The following KSR1 variants were observed in gnomAD, a reference collection of about 807,000 sequenced individuals.
The protein encoded by KSR1 is kinase suppressor of ras.
In KSR1, 35 loss-of-function variants were observed where a neutral mutation model predicts 92.9. The observed-to-expected ratio is 0.38, with a 90% CI of 0.29 to 0.50. KSR1 has a LOEUF of 0.50. KSR1 is among the 20% of genes least tolerant of loss of function. The pLI, the probability that KSR1 is intolerant of heterozygous loss-of-function variation, is 0.94. For missense variants in KSR1, 972 were observed against 1,158.5 expected, an observed-to-expected ratio of 0.84 and a Z score of 2.34; for synonymous variants, 467 against 472.6, an observed-to-expected ratio of 0.99 and a Z score of 0.15.
chr17:27,611,753 G>A, intron 18 of KSR1, 124 bp downstream of exon 18: 1 of 1,109,404 alleles, frequency 9.0e-7, no homozygotes, highest in Non-Finnish European at 1.3e-6. Context: ...ACCTGCACGT[G>A]TCTAGCTAGA....
chr17:27,557,102 G>C (rs982435325), intron 2 of KSR1, among the ~76,000 whole-genome samples: 40 of 152,288 alleles, frequency 2.6e-4, no homozygotes, highest in African/African-American at 9.6e-4. Context: ...AACCCAACAA[G>C]ATCTCCAGAA....
intron 19 of KSR1, among the ~76,000 whole-genome samples, chr17:27,619,054 G>A (rs1022811428): frequency 3.3e-5 from 5 of 152,070 alleles, no homozygotes; most frequent in Admixed American, 1.3e-4. Flanking sequence ...ACAGAGTCCC[G>A]CTCTATAAAA....
At chr17:27,565,199 T>C (rs1343698886) in intron 2 of KSR1, among the ~76,000 whole-genome samples, 1 of 152,216 alleles carries the variant, frequency 6.6e-6, no homozygotes, top group Non-Finnish European at 1.5e-5. Flanking sequence ...TGTAAACCAT[T>C]TGATGCATTT....
intron 6 of KSR1, 137 bp downstream of exon 6, chr17:27,588,672 C>T (rs1598093796): frequency 1.5e-6 from 1 of 687,266 alleles, no homozygotes; most frequent in Non-Finnish European, 2.2e-6. Flanking sequence ...GGGACATGGC[C>T]CTGCACTTAC....
At chr17:27,475,777 G>A (rs930028556) in intron 1 of KSR1, among the ~76,000 whole-genome samples, 7 of 152,184 alleles carry the variant, frequency 4.6e-5, no homozygotes, top group Non-Finnish European at 1.0e-4. Flanking sequence ...GTAAGGGGAG[G>A]TTTGGCAGAC....
intron 2 of KSR1, among the ~76,000 whole-genome samples, chr17:27,568,031 C>T (rs910249671): frequency 2.6e-5 from 4 of 152,214 alleles, no homozygotes; most frequent in Non-Finnish European, 5.9e-5. Flanking sequence ...AGCTTCTCCT[C>T]GGCCATCTGC....
chr17:27,587,991 G>A (rs529026775), intron 5 of KSR1, among the ~76,000 whole-genome samples: 1 of 152,304 alleles, frequency 6.6e-6, no homozygotes, highest in South Asian at 2.1e-4. Flanking sequence ...ATCCTCCAGG[G>A]GCTTCTGCCT....
chr17:27,564,932 C>T (rs1460372587), intron 2 of KSR1, among the ~76,000 whole-genome samples: 1 of 152,138 alleles, frequency 6.6e-6, no homozygotes, highest in Non-Finnish European at 1.5e-5. Context: ...AGCCCACCCT[C>T]CAGTTTTTGT....
At chr17:27,619,993 C>T (rs563108829) in intron 19 of KSR1, among the ~76,000 whole-genome samples, 3 of 152,208 alleles carry the variant, frequency 2.0e-5, no homozygotes, top group South Asian at 4.1e-4. Flanking sequence ...CCACCGCGCC[C>T]GGCCTTCGGG....
At chr17:27,619,990 G>C in intron 19 of KSR1, among the ~76,000 whole-genome samples, 1 of 152,200 alleles carries the variant, frequency 6.6e-6, no homozygotes, top group East Asian at 1.9e-4. Context: ...GAGCCACCGC[G>C]CCCGGCCTTC....
chr17:27,590,938 G>A, intron 7 of KSR1, 44 bp downstream of exon 7: 2 of 1,526,774 alleles, frequency 1.3e-6, no homozygotes, highest in Non-Finnish European at 1.8e-6. Context: ...GACACTTTTA[G>A]TTCAGTAAAT....
chr17:27,471,397 G>T (rs2019994300), intron 1 of KSR1, among the ~76,000 whole-genome samples: 1 of 152,214 alleles, frequency 6.6e-6, no homozygotes, highest in African/African-American at 2.4e-5. Context: ...ATCGGGAAAG[G>T]CCTTCCCAGA....
In KSR1 at chr17:27,592,643, T is replaced by TG. The variant is rs778495770; in HGVS notation, c.1299+21dup. Reference sequence around the variant, plus strand: ...ACAAAGAAGGTACGCTGGGTAATGCTGGGGAGGACGCCCTTCTGCCACTGG... The same window carrying TG: ...ACAAAGAAGGTACGCTGGGTAATGCTGGGGGAGGACGCCCTTCTGCCACTGG... On this transcript the variant is annotated intron_variant, in intron 9 of 20. Coordinates refer to ENST00000644974, the MANE Select transcript of KSR1 (RefSeq NM_001394583.1). 1.9e-6 allele frequency: 3 copies of TG among 1,603,826 alleles called. No individual in the cohort carries two copies. The highest frequency in any genetic ancestry group is 2.6e-6 in the Non-Finnish European group (3 of 1,173,836).
intron 1 of KSR1, among the ~76,000 whole-genome samples, chr17:27,516,118 G>C (rs1222233124): frequency 6.6e-6 from 1 of 152,100 alleles, no homozygotes; most frequent in African/African-American, 2.4e-5. Context: ...TCACATCCAG[G>C]AAGTTGCCAA....
At chr17:27,485,872 C>T (rs923107441) in intron 1 of KSR1, among the ~76,000 whole-genome samples, 10 of 152,230 alleles carry the variant, frequency 6.6e-5, no homozygotes, top group Admixed American at 4.6e-4. Context: ...TCTCTCCCAC[C>T]CAGGGCTGCT....
chr17:27,525,577 T>C (rs528486804), intron 1 of KSR1, among the ~76,000 whole-genome samples: 1 of 152,350 alleles, frequency 6.6e-6, no homozygotes, highest in African/African-American at 2.4e-5. Context: ...TGAAGGCTTA[T>C]CTTGAGTTTC....
intron 19 of KSR1, 128 bp from the exon 20 acceptor site, chr17:27,621,065 G>T (rs867815399): frequency 2.5e-6 from 1 of 397,554 alleles, no homozygotes; most frequent in African/African-American, 2.1e-5. Context: ...CGGATGTGCT[G>T]TTCTGTCATC....
chr17:27,578,518 T>A (rs1598066940), intron 3 of KSR1: 1 of 152,188 alleles, frequency 6.6e-6, no homozygotes. Context: ...GTGGCTGGTG[T>A]TCTTGTTCTC....
intron 1 of KSR1, among the ~76,000 whole-genome samples, chr17:27,485,565 G>T (rs2068639440): frequency 6.6e-6 from 1 of 152,082 alleles, no homozygotes; most frequent in Non-Finnish European, 1.5e-5. Flanking sequence ...GAAAGTGAAG[G>T]AAATGCATAC....
Sources: gnomAD v4.1 joint callset for allele counts (sites outside exome capture counted in the v4.1 genomes callset) on GRCh38, gnomAD v4.1.1 for gene constraint, MANE v1.5 for transcripts, NCBI Gene and HGNC (gene_info 2026-07-23, HGNC 2026-07-21) for gene names.